CTIF: variants seen among roughly 807,000 people sequenced by gnomAD.
The protein encoded by CTIF is cap binding complex dependent translation initiation factor.
A neutral mutation model predicts 66.0 loss-of-function variants in CTIF; 21 were observed. The observed-to-expected ratio is 0.32, with a 90% confidence interval of 0.23 to 0.46. The LOEUF is 0.46. Among genes scored for constraint, CTIF ranks in the 20% least tolerant of loss-of-function variants. The pLI is 1.00. For synonymous variants in CTIF, 345 were observed against 326.4 expected (o/e 1.06, Z -0.62); for missense variants, 739 against 812.7 (o/e 0.91, Z 1.10).
At chr18:48,720,365 G>A (rs184391438) in intron 7 of CTIF, among the ~76,000 whole-genome samples, 1 of 152,276 alleles carries the variant, frequency 6.6e-6, no homozygotes, top group East Asian at 1.9e-4. Flanking sequence ...GGATGCCACT[G>A]TTGCTGAGGC....
intron 9 of CTIF, among the ~76,000 whole-genome samples, chr18:48,789,789 A>C (rs184386836): frequency 1.1e-4 from 16 of 152,356 alleles, no homozygotes; most frequent in Non-Finnish European, 2.2e-4. Context: ...AGTATAAATT[A>C]AGGGCTTTGT....
In CTIF at chr18:48,765,892, A is replaced by G. The variant is rs569621176; in HGVS notation, c.1371+4203A>G. On this transcript the variant is annotated intron_variant, in intron 9 of 11. Transcript: ENST00000256413. ...GTAGTGTCCTTGTAAGTAAAATTCT[A>G]TTTATTAAACAGACATTTCTTTTTT... 1.6e-4 allele frequency among the ~76,000 whole-genome samples: 23 copies of G among 145,880 alleles called. No individual in the cohort carries two copies. The South Asian group carries it at 2.0e-3, about 13-fold the overall frequency.
intron 7 of CTIF, among the ~76,000 whole-genome samples, chr18:48,723,326 C>A (rs8088657): frequency 0.38 from 56,870 of 151,444 alleles, 12,350 homozygotes; most frequent in African/African-American, 0.61. Flanking sequence ...GCTGCTGCCT[C>A]ATTCAAAGGG....
At chr18:48,684,608 T>G (rs568517163) in intron 6 of CTIF, among the ~76,000 whole-genome samples, 1 of 152,316 alleles carries the variant, frequency 6.6e-6, no homozygotes, top group Non-Finnish European at 1.5e-5. Context: ...TACTTAAATG[T>G]TTAATCAGAT....
chr18:48,607,339 T>G (rs904663062), intron 1 of CTIF, among the ~76,000 whole-genome samples: 1 of 152,192 alleles, frequency 6.6e-6, no homozygotes, highest in Non-Finnish European at 1.5e-5. Flanking sequence ...CCAGCATGCT[T>G]CAGGCATTGT....
intron 3 of CTIF, among the ~76,000 whole-genome samples, chr18:48,658,655 T>A (rs1402403236): frequency 6.6e-6 from 1 of 152,128 alleles, no homozygotes; most frequent in Non-Finnish European, 1.5e-5. Flanking sequence ...TATGTGGATG[T>A]GTGTGGATGT....
At chr18:48,824,098 A>G (rs929390178) in intron 10 of CTIF, among the ~76,000 whole-genome samples, 8 of 152,130 alleles carry the variant, frequency 5.3e-5, no homozygotes, top group African/African-American at 1.7e-4. Flanking sequence ...TCTGTGCACT[A>G]TCTGAAGAGG....
At chr18:48,798,730 T>C (rs60180111) in intron 9 of CTIF, among the ~76,000 whole-genome samples, 2 of 152,206 alleles carry the variant, frequency 1.3e-5, no homozygotes, top group East Asian at 3.9e-4. Context: ...GTCCCATGGG[T>C]GGGAGCATTG....
chr18:48,640,342 T>C (rs2090904576), intron 3 of CTIF, among the ~76,000 whole-genome samples: 1 of 152,198 alleles, frequency 6.6e-6, no homozygotes, highest in Non-Finnish European at 1.5e-5. Flanking sequence ...CAGGGCGGGC[T>C]CTACTTCCTC....
chr18:48,633,603 G>T (rs929704393), intron 2 of CTIF, among the ~76,000 whole-genome samples: 5 of 152,140 alleles, frequency 3.3e-5, no homozygotes, highest in Admixed American at 3.3e-4. Flanking sequence ...TCAGGAGGCT[G>T]AGGCAAGAGA....
chr18:48,660,374 C>G (rs2091323032), intron 3 of CTIF, among the ~76,000 whole-genome samples: 1 of 152,204 alleles, frequency 6.6e-6, no homozygotes, highest in African/African-American at 2.4e-5. Context: ...TTTTTCACCC[C>G]CAACATGGAG....
chr18:48,670,509 T>G (rs2279304), intron 5 of CTIF, 160 bp from the exon 6 acceptor site: 460,084 of 601,596 alleles, frequency 0.76, 177,338 homozygotes, highest in Admixed American at 0.83. Flanking sequence ...CACACACAGC[T>G]TCTCTAGGGC....
rs772233727 is a variant in CTIF at position 48,758,248 on chromosome 18, C to A, written c.914C>A (p.Pro305Gln). 6.2e-7 allele frequency: 1 copy of A among 1,613,278 alleles called. No individual in the cohort carries two copies. The highest frequency in any genetic ancestry group is 1.3e-5 in the African/African-American group (1 of 74,862). Reference protein sequence around the residue: ...EAPRSPDTLAPVASERLPPQQ... With the variant: ...EAPRSPDTLAQVASERLPPQQ... ...CCCCGCAGCCCTGACACCCTGGCCC[C>A]GGTGGCTTCTGAGCGGCTGCCCCCA... Residue 305 changes from proline (P) to glutamine (Q), a missense_variant, in exon 8 of 12, where the codon CCG becomes CAG. Pro to Gln is a moderately conservative substitution (Grantham distance 76, BLOSUM62 -1). Coordinates refer to ENST00000256413, the MANE Select transcript of CTIF (RefSeq NM_014772.3).
chr18:48,665,161 G>A (rs949793599), intron 5 of CTIF, among the ~76,000 whole-genome samples: 2 of 151,850 alleles, frequency 1.3e-5, no homozygotes, highest in African/African-American at 4.8e-5. Context: ...TGATCCACCC[G>A]CCTCGGCCTC....
chr18:48,788,082 C>A (rs963813522), intron 9 of CTIF, among the ~76,000 whole-genome samples: 1 of 152,170 alleles, frequency 6.6e-6, no homozygotes, highest in Non-Finnish European at 1.5e-5. Context: ...GGGACCCCCC[C>A]TTTCAGAGTC....
At chr18:48,654,907 A>C (rs990649452) in intron 3 of CTIF, among the ~76,000 whole-genome samples, 2 of 151,908 alleles carry the variant, frequency 1.3e-5, no homozygotes, top group African/African-American at 4.8e-5. Flanking sequence ...TCTCACTCAT[A>C]GGTGGGAACT....
At chr18:48,660,407 C>T (rs1245305900) in intron 3 of CTIF, among the ~76,000 whole-genome samples, 1 of 152,226 alleles carries the variant, frequency 6.6e-6, no homozygotes, top group East Asian at 1.9e-4. Context: ...GATCACAGGG[C>T]TGTTCTGCAG....
intron 5 of CTIF, among the ~76,000 whole-genome samples, chr18:48,669,841 A>ATATATATATAT (rs2091499368): frequency 8.6e-6 from 1 of 116,482 alleles, no homozygotes; most frequent in Non-Finnish European, 1.8e-5. Context: ...ATATATATAT[A>ATATATATATAT]AGCTAGACTA....
rs566721452 is a variant in CTIF, at chr18:48,604,769, C to A, written c.-28-14769C>A. On this transcript the variant is annotated intron_variant, in intron 1 of 11. Coordinates refer to ENST00000256413, the MANE Select transcript of CTIF (RefSeq NM_014772.3). ...TCTAAAAGAAACCCTTTAGCTATCA[C>A]CCCCTTGTCTCCCTGCCTCCTTCCT... Among the ~76,000 whole-genome samples, 5 of 152,292 alleles carry A rather than the reference C, an allele frequency of 3.3e-5. No individual in the cohort carries two copies. The East Asian group carries it at 9.7e-4, about 29-fold the overall frequency.
Sources: gnomAD v4.1 joint callset for allele counts (sites outside exome capture counted in the v4.1 genomes callset) on GRCh38, gnomAD v4.1.1 for gene constraint, MANE v1.5 for transcripts, NCBI Gene and HGNC (gene_info 2026-07-23, HGNC 2026-07-21) for gene names.